The following CDH13 variants were observed in gnomAD, a reference collection of about 807,000 sequenced individuals.
CDH13 encodes the protein cadherin 13.
CDH13 carries 24 observed loss-of-function variants against 63.8 expected under a neutral mutation model. The observed-to-expected ratio is 0.38, with a 90% confidence interval of 0.27 to 0.53. CDH13 has a LOEUF of 0.53. Ranked by LOEUF, CDH13 falls within the 20% of genes least tolerant of loss-of-function variation. CDH13 has a pLI of 0.85. For missense variants in CDH13, 1,049 were observed against 903.1 expected, an observed-to-expected ratio of 1.16 and a Z score of -2.07; for synonymous variants, 503 against 355.3, an observed-to-expected ratio of 1.42 and a Z score of -4.67.
At chr16:82,947,158 G>A (rs547399312) in intron 2 of CDH13, among the ~76,000 whole-genome samples, 9 of 152,166 alleles carry the variant, frequency 5.9e-5, no homozygotes, top group Admixed American at 4.6e-4. Flanking sequence ...TAATTTTTAA[G>A]CTTGAGTGAT....
intron 5 of CDH13, among the ~76,000 whole-genome samples, chr16:83,264,003 A>C (rs1907296389): frequency 6.6e-6 from 1 of 152,214 alleles, no homozygotes; most frequent in Non-Finnish European, 1.5e-5. Context: ...GATAGATTCC[A>C]AGATAGAAGT....
intron 6 of CDH13, among the ~76,000 whole-genome samples, chr16:83,407,134 A>T (rs908690217): frequency 3.3e-5 from 5 of 152,234 alleles, no homozygotes; most frequent in Non-Finnish European, 7.3e-5. Context: ...CTCTGGGAGC[A>T]GGAAGACTGC....
chr16:82,965,234 T>C (rs1288843271), intron 2 of CDH13, among the ~76,000 whole-genome samples: 1 of 152,192 alleles, frequency 6.6e-6, no homozygotes, highest in Non-Finnish European at 1.5e-5. Flanking sequence ...TTTTTACTAA[T>C]ACTTTGCTTC....
chr16:83,132,163 C>G (rs2036082082), intron 4 of CDH13, among the ~76,000 whole-genome samples: 1 of 152,092 alleles, frequency 6.6e-6, no homozygotes, highest in Admixed American at 6.5e-5. Context: ...CCCACGAAGA[C>G]CAAGCTATAT....
intron 8 of CDH13, among the ~76,000 whole-genome samples, chr16:83,624,338 G>GCCCCCCCC (rs202230797): frequency 2.5e-4 from 37 of 145,194 alleles, no homozygotes; most frequent in Admixed American, 3.5e-4. Flanking sequence ...ATGAGATAAC[G>GCCCCCCCC]CCCCCACCCC....
intron 5 of CDH13, among the ~76,000 whole-genome samples, chr16:83,306,012 G>A (rs2089867453): frequency 6.6e-6 from 1 of 152,154 alleles, no homozygotes; most frequent in South Asian, 2.1e-4. Context: ...AGGCTGCCCT[G>A]TGCACTACAG....
chr16:83,599,028 C>G (rs1474902462), intron 7 of CDH13, among the ~76,000 whole-genome samples: 1 of 152,192 alleles, frequency 6.6e-6, no homozygotes, highest in African/African-American at 2.4e-5. Context: ...ATATGACCAT[C>G]CCTAGATCAG....
At chr16:82,694,438 T>G in intron 1 of CDH13, among the ~76,000 whole-genome samples, 1 of 152,226 alleles carries the variant, frequency 6.6e-6, no homozygotes, top group East Asian at 1.9e-4. Flanking sequence ...ATATTCTTCT[T>G]GGGTAATTGC....
intron 2 of CDH13, among the ~76,000 whole-genome samples, chr16:82,966,339 T>C (rs1193362311): frequency 3.3e-5 from 4 of 122,196 alleles, no homozygotes; most frequent in East Asian, 2.6e-4. Flanking sequence ...TTAGTAGAGA[T>C]GGGGTTTCAC....
intron 2 of CDH13, among the ~76,000 whole-genome samples, chr16:82,968,199 C>T (rs1265558840): frequency 6.6e-6 from 1 of 152,128 alleles, no homozygotes; most frequent in Non-Finnish European, 1.5e-5. Flanking sequence ...TCTTGTGCGC[C>T]AATTGTCCAC....
intron 1 of CDH13, among the ~76,000 whole-genome samples, chr16:82,693,397 T>A (rs1915820608): frequency 1.3e-5 from 2 of 152,126 alleles, no homozygotes; most frequent in South Asian, 4.1e-4. Flanking sequence ...AACACAGTTG[T>A]GCAGGACATA....
intron 5 of CDH13, among the ~76,000 whole-genome samples, chr16:83,309,204 T>A (rs1166355630): frequency 1.3e-5 from 2 of 152,218 alleles, no homozygotes; most frequent in Non-Finnish European, 2.9e-5. Context: ...AGTGCTTGCC[T>A]ACCAGTGGGC....
rs78133871 is a variant in CDH13 at position 83,624,840 on chromosome 16, C to T, written c.1101+22246C>T. ...AAGCAATGCCCCCAGATCAAAGCTA[C>T]ATTTCCCATCTACTCCAGATCCTAT... is the stretch of plus-strand genomic sequence containing the variant. On this transcript the variant is annotated intron_variant, in intron 8 of 13. Transcript: ENST00000567109. Among the ~76,000 whole-genome samples the T allele has an allele frequency of 5.5e-3, 831 of 152,302 alleles. 6 individuals carry two copies. Among genetic ancestry groups the T allele is most frequent in the African/African-American group, 0.019 (808 of 41,574 alleles).
intron 7 of CDH13, among the ~76,000 whole-genome samples, chr16:83,516,697 A>G (rs570307028): frequency 9.8e-5 from 15 of 152,352 alleles, no homozygotes; most frequent in African/African-American, 3.6e-4. Context: ...TCTTCCAGGC[A>G]CAGTATTTAA....
intron 7 of CDH13, among the ~76,000 whole-genome samples, chr16:83,575,660 C>T (rs1171824791): frequency 6.6e-6 from 1 of 152,210 alleles, no homozygotes; most frequent in African/African-American, 2.4e-5. Flanking sequence ...CTCTTAACCT[C>T]CCGTCAGATT....
At chr16:83,491,140 C>T (rs2074003711) in intron 7 of CDH13, among the ~76,000 whole-genome samples, 1 of 152,202 alleles carries the variant, frequency 6.6e-6, no homozygotes, top group South Asian at 2.1e-4. Flanking sequence ...CTTGTGCAAT[C>T]ATCTGGTAAT....
intron 3 of CDH13, among the ~76,000 whole-genome samples, chr16:83,037,852 G>A (rs754341608): frequency 6.6e-5 from 10 of 152,080 alleles, no homozygotes; most frequent in Non-Finnish European, 8.8e-5. Context: ...CTATCAAATA[G>A]GGATAAGAAC....
intron 1 of CDH13, among the ~76,000 whole-genome samples, chr16:82,848,288 A>G (rs2039347037): frequency 6.6e-6 from 1 of 152,146 alleles, no homozygotes; most frequent in South Asian, 2.1e-4. Flanking sequence ...AGAGAATTAC[A>G]TTGTTGGAGC....
chr16:82,884,198 G>C (rs1226503183), intron 2 of CDH13: 2 of 455,750 alleles, frequency 4.4e-6, no homozygotes, highest in South Asian at 1.5e-5. Context: ...TATTCTACTA[G>C]CTGACAGACT....
Sources: gnomAD v4.1 joint callset for allele counts (sites outside exome capture counted in the v4.1 genomes callset) on GRCh38, gnomAD v4.1.1 for gene constraint, MANE v1.5 for transcripts, NCBI Gene and HGNC (gene_info 2026-07-23, HGNC 2026-07-21) for gene names.